CLDN10: variants seen among roughly 807,000 people sequenced by gnomAD.
The protein encoded by CLDN10 is claudin 10, also known as claudin-10.
Under a neutral mutation model 22.9 loss-of-function variants are expected in CLDN10, and 15 were observed. That is an observed-to-expected ratio of 0.65 (90% CI 0.44 to 1.01). CLDN10 has a LOEUF of 1.01. Ranked by LOEUF, CLDN10 falls within the 50% of genes least tolerant of loss-of-function variation. CLDN10 has a pLI of 0.00. For missense variants in CLDN10, 247 were observed against 287.8 expected, an observed-to-expected ratio of 0.86 and a Z score of 1.03; for synonymous variants, 114 against 111.4, an observed-to-expected ratio of 1.02 and a Z score of -0.15.
chr13:95,540,081 C>A, intron 1 of CLDN10, among the ~76,000 whole-genome samples: 1 of 152,094 alleles, frequency 6.6e-6, no homozygotes, highest in East Asian at 1.9e-4. Context: ...GGGTGGATCA[C>A]CTGAGGTCAG....
At chr13:95,441,935 G>C (rs2042328338) in intron 1 of CLDN10, among the ~76,000 whole-genome samples, 1 of 152,192 alleles carries the variant, frequency 6.6e-6, no homozygotes, top group Admixed American at 6.5e-5. Context: ...TGGATCGCTT[G>C]AGCGCAGAAG....
intron 1 of CLDN10, among the ~76,000 whole-genome samples, chr13:95,526,559 G>A (rs1156890704): frequency 6.6e-6 from 1 of 152,096 alleles, no homozygotes; most frequent in African/African-American, 2.4e-5. Context: ...TGTGTTTTGA[G>A]AACCAAATGT....
intron 1 of CLDN10, among the ~76,000 whole-genome samples, chr13:95,462,615 C>T (rs1386702631): frequency 1.3e-5 from 2 of 152,166 alleles, no homozygotes; most frequent in African/African-American, 4.8e-5. Flanking sequence ...GAGTCAGGGC[C>T]TGGGGACCAC....
intron 1 of CLDN10, among the ~76,000 whole-genome samples, chr13:95,468,492 G>A (rs1451885170): frequency 6.6e-6 from 1 of 152,178 alleles, no homozygotes; most frequent in Non-Finnish European, 1.5e-5. Flanking sequence ...TTGGGAGGCT[G>A]AGGTGGGCAG....
At chr13:95,483,671 T>C (rs1055316330) in intron 1 of CLDN10, among the ~76,000 whole-genome samples, 5 of 152,182 alleles carry the variant, frequency 3.3e-5, no homozygotes, top group African/African-American at 1.2e-4. Context: ...AGGCTGACAG[T>C]CTCAGCAAAC....
chr13:95,546,073 A>G (rs1418913134), intron 1 of CLDN10, among the ~76,000 whole-genome samples: 1 of 152,270 alleles, frequency 6.6e-6, no homozygotes, highest in Non-Finnish European at 1.5e-5. Flanking sequence ...TGCAAGATCT[A>G]GACATATACA....
intron 1 of CLDN10, among the ~76,000 whole-genome samples, chr13:95,496,679 T>C (rs1243138984): frequency 6.6e-6 from 1 of 152,178 alleles, no homozygotes; most frequent in Non-Finnish European, 1.5e-5. Flanking sequence ...ACCCAGCCCT[T>C]GTCTCTTCCT....
At chr13:95,435,832 T>C (rs1240636613) in intron 1 of CLDN10, among the ~76,000 whole-genome samples, 1 of 152,102 alleles carries the variant, frequency 6.6e-6, no homozygotes, top group Admixed American at 6.6e-5. Flanking sequence ...TTATTATATA[T>C]ATTTTTTGAG....
upstream of CLDN10, among the ~76,000 whole-genome samples, chr13:95,548,603 T>G (rs180784294): frequency 9.3e-4 from 142 of 152,330 alleles, 1 homozygote; most frequent in Non-Finnish European, 1.0e-4. Flanking sequence ...CAAATATCAT[T>G]GGATTTGCAT....
chr13:95,570,614 A>ATCCTGGCCCGGGCCAGAG (rs1017933435), intron 3 of CLDN10, among the ~76,000 whole-genome samples: 5 of 152,022 alleles, frequency 3.3e-5, no homozygotes, highest in African/African-American at 7.2e-5. Context: ...CTCAGCTCAG[A>ATCCTGGCCCGGGCCAGAG]TCCTGGCCCG....
intron 1 of CLDN10, among the ~76,000 whole-genome samples, chr13:95,439,655 G>A (rs941381203): frequency 2.0e-5 from 3 of 151,686 alleles, no homozygotes; most frequent in Non-Finnish European, 4.4e-5. Flanking sequence ...TTTTATAACA[G>A]CACTAATCCT....
chr13:95,481,964 A>G (rs2042751884), intron 1 of CLDN10, among the ~76,000 whole-genome samples: 1 of 152,194 alleles, frequency 6.6e-6, no homozygotes, highest in Admixed American at 6.5e-5. Context: ...GGTTGCAATG[A>G]GCAAAGATCG....
At chr13:95,511,768 T>A (rs1190907607) in intron 1 of CLDN10, among the ~76,000 whole-genome samples, 1 of 2,988 alleles carries the variant, frequency 3.3e-4, no homozygotes, top group African/African-American at 5.4e-4. Flanking sequence ...TTCTCTCTCC[T>A]TTTTTTTTTT....
At chr13:95,524,891 C>T (rs943732377) in intron 1 of CLDN10, among the ~76,000 whole-genome samples, 8 of 150,478 alleles carry the variant, frequency 5.3e-5, no homozygotes, top group Non-Finnish European at 7.4e-5. Context: ...CAGAGTTTCA[C>T]TCTTGTTGCC....
At chr13:95,503,665 G>A (rs551483783) in intron 1 of CLDN10, among the ~76,000 whole-genome samples, 17 of 152,292 alleles carry the variant, frequency 1.1e-4, no homozygotes, top group Admixed American at 3.3e-4. Flanking sequence ...AGCCTTAAAA[G>A]GGATGAAAGT....
At chr13:95,566,098 G>C (rs568556932) in intron 3 of CLDN10, among the ~76,000 whole-genome samples, 4 of 152,164 alleles carry the variant, frequency 2.6e-5, no homozygotes, top group Non-Finnish European at 4.4e-5. Context: ...ATGTGCATGT[G>C]TCTTTATAGT....
rs1410233092 is a variant in CLDN10, at chr13:95,579,357, G to A, written c.*1343G>A. 1 of 152,158 alleles carries A rather than the reference G, an allele frequency of 6.6e-6. No individual in the cohort carries two copies. Among genetic ancestry groups the A allele is most frequent in the Non-Finnish European group, 1.5e-5 (1 of 68,032 alleles). The allele number at this position is 152,158 out of a possible 1,614,324, so 9.4% of individuals were successfully genotyped here. On this transcript the variant is annotated 3_prime_UTR_variant, in exon 5 of 5. Coordinates refer to ENST00000299339, the MANE Select transcript of CLDN10 (RefSeq NM_006984.5). Reference sequence around the variant, plus strand: ...CCAGCCCTATATAACATGCCCACAAGGGCAACAGTTATCACAGTTCATACA... The same window carrying A: ...CCAGCCCTATATAACATGCCCACAAAGGCAACAGTTATCACAGTTCATACA...
chr13:95,569,301 T>C (rs1344009731), intron 3 of CLDN10, among the ~76,000 whole-genome samples: 1 of 152,158 alleles, frequency 6.6e-6, no homozygotes, highest in Non-Finnish European at 1.5e-5. Flanking sequence ...CTATAAGGCT[T>C]GGCTGGGTGC....
intron 1 of CLDN10, among the ~76,000 whole-genome samples, chr13:95,501,369 A>G (rs2042982868): frequency 6.6e-6 from 1 of 152,134 alleles, no homozygotes; most frequent in Admixed American, 6.5e-5. Context: ...GCTGGAGTAC[A>G]GTGGTGCGGT....
Sources: allele counts gnomAD v4.1 joint callset (sites outside exome capture counted in the v4.1 genomes callset), GRCh38; gene constraint gnomAD v4.1.1; transcripts MANE v1.5; gene names NCBI Gene and HGNC (gene_info 2026-07-23, HGNC 2026-07-21).